The following HEATR5B variants were observed in gnomAD, a reference collection of about 807,000 sequenced individuals.
HEATR5B encodes HEAT repeat containing 5B, also known as HEAT repeat-containing protein 5B.
Under a neutral mutation model 224.1 loss-of-function variants are expected in HEATR5B, and 156 were observed. The ratio of observed to expected loss-of-function variants is 0.70; its 90% CI spans 0.61 to 0.80. HEATR5B has a LOEUF of 0.80. Ranked by LOEUF, HEATR5B falls within the 30% of genes least tolerant of loss-of-function variation. HEATR5B has a pLI of 0.00. For missense variants in HEATR5B, 2,323 were observed against 2,535.5 expected (o/e 0.92, Z 1.80); for synonymous variants, 1,027 against 893.0 (o/e 1.15, Z -2.68).
intron 18 of HEATR5B, among the ~76,000 whole-genome samples, chr2:37,044,485 T>C (rs1170292097): frequency 6.6e-6 from 1 of 152,248 alleles, no homozygotes; most frequent in African/African-American, 2.4e-5. Flanking sequence ...CATTTATGAA[T>C]ACATCACTAT....
At chr2:37,028,575 A>C in intron 23 of HEATR5B, 106 bp downstream of exon 23, 1 of 823,320 alleles carries the variant, frequency 1.2e-6, no homozygotes, top group Non-Finnish European at 1.8e-6. Flanking sequence ...TTACTTTTAA[A>C]TAAAACCTAT....
At chr2:37,044,797 G>C (rs1362816758) in intron 18 of HEATR5B, among the ~76,000 whole-genome samples, 1 of 152,052 alleles carries the variant, frequency 6.6e-6, no homozygotes, top group Non-Finnish European at 1.5e-5. Context: ...GCTTGATATT[G>C]GTCCCAGAAG....
Position 37,064,899 on chromosome 2 carries a change from T to C in HEATR5B, c.1425A>G (p.Ala475=), listed in dbSNP as rs774207914. The C allele has an allele frequency of 1.4e-5, 23 of 1,614,032 alleles. No homozygotes were observed. Among genetic ancestry groups the C allele is most frequent in the Non-Finnish European group, 1.9e-5 (22 of 1,180,026 alleles). ...GAAATGGTGTCAGCTGGAAAGGTAATGCCACAGCCACACAGCGCAAACACC... is the reference window on the plus strand; with the variant it reads ...GAAATGGTGTCAGCTGGAAAGGTAACGCCACAGCCACACAGCGCAAACACC... The part of the protein sequence containing the change: ...AAWCLRCVAV[A]LPFQLTPFLD... Residue 475 remains alanine (A), a synonymous_variant, in exon 10 of 36, where the codon GCA becomes GCG. Transcript: ENST00000233099.
intron 18 of HEATR5B, among the ~76,000 whole-genome samples, chr2:37,043,534 A>G (rs1670004186): frequency 1.3e-5 from 2 of 152,236 alleles, no homozygotes; most frequent in Non-Finnish European, 1.5e-5. Context: ...AAGAGTTTCA[A>G]TGGAAAGTCA....
intron 18 of HEATR5B, among the ~76,000 whole-genome samples, chr2:37,042,632 C>G (rs1225348578): frequency 2.6e-5 from 4 of 152,196 alleles, no homozygotes; most frequent in African/African-American, 9.7e-5. Context: ...TGGCTCATGC[C>G]TGTAATCCCA....
intron 33 of HEATR5B, among the ~76,000 whole-genome samples, chr2:36,997,961 G>T (rs1666840031): frequency 6.6e-6 from 1 of 152,104 alleles, no homozygotes; most frequent in African/African-American, 2.4e-5. Flanking sequence ...TACTTGTTTT[G>T]ATTCATGATA....
intron 2 of HEATR5B, among the ~76,000 whole-genome samples, chr2:37,081,827 A>C (rs2148615815): frequency 1.3e-5 from 2 of 152,212 alleles, no homozygotes. Context: ...CCACAACTCC[A>C]AGAATGTAGC....
rs1665560282 is a variant in HEATR5B at position 36,981,253 on chromosome 2, T to G, written c.*237A>C. The G allele has an allele frequency of 2.6e-6, 1 of 390,200 alleles. No individual in the cohort carries two copies. Among genetic ancestry groups the G allele is most frequent in the East Asian group, 4.1e-5 (1 of 24,282 alleles). 24.2% of individuals were successfully genotyped at this position (390,200 alleles called of 1,614,324 possible). ...CTCAGTGTTTGAAAAATAAATAAGT[T>G]AACAAAAGAGAAACATTATTAGGAG... On this transcript the variant is annotated 3_prime_UTR_variant, in exon 36 of 36. Coordinates refer to ENST00000233099, the MANE Select transcript of HEATR5B (RefSeq NM_019024.3).
At chr2:37,075,022 A>G in intron 5 of HEATR5B, among the ~76,000 whole-genome samples, 1 of 152,258 alleles carries the variant, frequency 6.6e-6, no homozygotes, top group East Asian at 1.9e-4. Flanking sequence ...TCTGAACGTT[A>G]AACTAAATCT....
At chr2:37,083,246 C>G (rs996242636) in intron 2 of HEATR5B, 43 bp downstream of exon 2, 3 of 1,608,164 alleles carry the variant, frequency 1.9e-6, no homozygotes, top group Non-Finnish European at 1.7e-6. Flanking sequence ...ACCACATAAT[C>G]TCTTCACGTT....
At position 37,013,856 on chromosome 2, in the gene HEATR5B, G is replaced by A. The variant is rs549002087; in HGVS notation, c.4269C>T (p.Leu1423=). ...TAGTCGTTACCTCTGCCCAAGCTTT[G>A]AGAACAGCCAGTTTTTCCATGGTCG... is the stretch of plus-strand genomic sequence containing the variant. The part of the protein sequence containing the change: ...SATTMEKLAV[L]KAWAEVYVVA... The change falls in exon 27 of 36, where the codon CTC becomes CTT. Residue 1423 remains leucine, a synonymous_variant. Coordinates refer to ENST00000233099, the MANE Select transcript of HEATR5B (RefSeq NM_019024.3). 2.3e-5 allele frequency: 37 copies of A among 1,591,276 alleles called. No homozygotes were observed. In the South Asian group the frequency reaches 3.6e-4, roughly 15 times the overall value.
At chr2:37,013,544 G>A (rs1667923779) in intron 27 of HEATR5B, among the ~76,000 whole-genome samples, 1 of 152,058 alleles carries the variant, frequency 6.6e-6, no homozygotes, top group Non-Finnish European at 1.5e-5. Flanking sequence ...AAACCCCTAT[G>A]GCCTCAATAT....
At chr2:37,014,932 G>A (rs561062696) in intron 26 of HEATR5B, among the ~76,000 whole-genome samples, 3 of 151,632 alleles carry the variant, frequency 2.0e-5, no homozygotes, top group East Asian at 1.9e-4. Context: ...AGCCGAGATC[G>A]CACCACTGCA....
intron 33 of HEATR5B, among the ~76,000 whole-genome samples, chr2:36,994,813 G>A (rs766228930): frequency 3.8e-4 from 57 of 150,682 alleles, no homozygotes; most frequent in South Asian, 2.1e-3. Flanking sequence ...GTGCAGTGGC[G>A]CGATCTCAGC....
chr2:37,046,475 C>G (rs55800939), intron 18 of HEATR5B, among the ~76,000 whole-genome samples: 22,683 of 151,572 alleles, frequency 0.15, 1,822 homozygotes, highest in Non-Finnish European at 0.16. Context: ...TCCATCTCTA[C>G]TAAAAATATA....
At chr2:37,031,664 T>C (rs899098772) in intron 22 of HEATR5B, among the ~76,000 whole-genome samples, 21 of 152,142 alleles carry the variant, frequency 1.4e-4, no homozygotes, top group African/African-American at 4.6e-4. Context: ...ATTTTTATAA[T>C]AAACTTCTTT....
At chr2:37,029,003 A>T in intron 22 of HEATR5B, 83 bp from the exon 23 acceptor site, 1 of 1,387,654 alleles carries the variant, frequency 7.2e-7, no homozygotes, top group South Asian at 1.3e-5. Flanking sequence ...ACCAAGTCTT[A>T]CATATAAATT....
intron 8 of HEATR5B, among the ~76,000 whole-genome samples, chr2:37,067,779 A>G (rs1046335714): frequency 3.9e-5 from 6 of 152,216 alleles, no homozygotes; most frequent in African/African-American, 1.4e-4. Flanking sequence ...CTCAAATAAA[A>G]TAATATAAAA....
At chr2:37,028,289 T>C in intron 23 of HEATR5B, 115 bp from the exon 24 acceptor site, 1 of 616,600 alleles carries the variant, frequency 1.6e-6, no homozygotes, top group Non-Finnish European at 2.5e-6. Flanking sequence ...TCTTACTTGC[T>C]GGAAAACAGT....
Sources: gnomAD v4.1 joint callset for allele counts (sites outside exome capture counted in the v4.1 genomes callset) on GRCh38, gnomAD v4.1.1 for gene constraint, MANE v1.5 for transcripts, NCBI Gene and HGNC (gene_info 2026-07-23, HGNC 2026-07-21) for gene names.